GLI2: variants seen among roughly 807,000 people sequenced by gnomAD.
The protein encoded by GLI2 is GLI family zinc finger 2.
In GLI2, 22 loss-of-function variants were observed where a neutral mutation model predicts 78.9. The ratio of observed to expected loss-of-function variants is 0.28; its 90% CI spans 0.20 to 0.40. The LOEUF (loss-of-function observed/expected upper bound fraction) is 0.40. Among genes scored for constraint, GLI2 ranks in the 10% least tolerant of loss-of-function variants. The probability of loss-of-function intolerance (pLI) is 1.00; values close to 1 mark genes in which losing one functional copy is unlikely to be tolerated. For synonymous variants in GLI2, 974 were observed against 963.7 expected (o/e 1.01, Z -0.20); for missense variants, 2,097 against 2,213.2 (o/e 0.95, Z 1.05).
chr2:120,799,721 T>A (rs1002716066), intron 2 of GLI2, among the ~76,000 whole-genome samples: 2 of 152,154 alleles, frequency 1.3e-5, no homozygotes, highest in African/African-American at 2.4e-5. Flanking sequence ...CTTCGGGTCT[T>A]CCTTAAATGT....
intron 2 of GLI2, among the ~76,000 whole-genome samples, chr2:120,892,329 C>T (rs1411419276): frequency 6.6e-6 from 1 of 152,196 alleles, no homozygotes; most frequent in Non-Finnish European, 1.5e-5. Flanking sequence ...ACTACGTGGT[C>T]ATTCGGTGGT....
chr2:120,793,371 C>T (rs943371512), intron 1 of GLI2, among the ~76,000 whole-genome samples: 7 of 152,208 alleles, frequency 4.6e-5, no homozygotes, highest in African/African-American at 1.7e-4. Context: ...TTCTGGAGCT[C>T]TGTGGAGCCC....
intron 1 of GLI2, among the ~76,000 whole-genome samples, chr2:120,746,961 C>T (rs527928041): frequency 1.3e-5 from 2 of 152,086 alleles, no homozygotes; most frequent in South Asian, 2.1e-4. Flanking sequence ...ACATAATATC[C>T]CTTTGTCTGC....
intron 3 of GLI2, among the ~76,000 whole-genome samples, chr2:120,940,071 T>C (rs190539245): frequency 1.4e-4 from 22 of 152,370 alleles, no homozygotes; most frequent in Admixed American, 1.4e-3. Context: ...AATGTTTCCT[T>C]CTTGGGAAAT....
At chr2:120,787,483 C>T (rs951258920) in intron 1 of GLI2, among the ~76,000 whole-genome samples, 10 of 152,144 alleles carry the variant, frequency 6.6e-5, no homozygotes, top group African/African-American at 1.9e-4. Context: ...GCCTGTGGCT[C>T]CCGTGTGCCA....
chr2:120,856,492 A>G (rs1172821193), intron 2 of GLI2, among the ~76,000 whole-genome samples: 2 of 152,212 alleles, frequency 1.3e-5, no homozygotes, highest in East Asian at 3.9e-4. Context: ...TCTCACCATC[A>G]TGGGCCTCGT....
chr2:120,838,839 G>T (rs920577926), intron 2 of GLI2, among the ~76,000 whole-genome samples: 10 of 152,188 alleles, frequency 6.6e-5, no homozygotes, highest in Non-Finnish European at 4.4e-5. Flanking sequence ...GTAGGCCAGG[G>T]TCAATAGGTT....
At chr2:120,918,353 C>T (rs998850607) in intron 2 of GLI2, among the ~76,000 whole-genome samples, 1 of 152,030 alleles carries the variant, frequency 6.6e-6, no homozygotes, top group South Asian at 2.1e-4. Context: ...ACCATAGCAC[C>T]GGGACCCTTG....
Position 120,989,893 on chromosome 2 carries a change from C to A in GLI2, c.3928C>A (p.His1310Asn). The A allele has an allele frequency of 1.9e-6, 3 of 1,613,044 alleles. No homozygotes were observed. Among genetic ancestry groups the A allele is most frequent in the African/African-American group, 2.7e-5 (2 of 75,082 alleles). The change falls in exon 14 of 14, where the codon CAC becomes AAC. Residue 1310 changes from histidine (H) to asparagine (N), a missense_variant. Coordinates refer to ENST00000361492, the MANE Select transcript of GLI2 (RefSeq NM_001374353.1). Reference sequence around the variant, plus strand: ...CCAGAGCTACCCACAGCAGAGCCATCACCTGGCAGCCTCCATGAGCCAGGA... The same window carrying A: ...CCAGAGCTACCCACAGCAGAGCCATAACCTGGCAGCCTCCATGAGCCAGGA... ...PVQSYPQQSH[H>N]LAASMSQEGY...
chr2:120,955,423 C>T lies in GLI2; in HGVS notation c.636C>T (p.Pro212=), dbSNP rs755982802. 15 of 1,599,676 alleles carry T rather than the reference C, an allele frequency of 9.4e-6. No individual in the cohort carries two copies. The highest frequency in any genetic ancestry group is 4.5e-5 in the East Asian group (2 of 44,504). ...CCCATCTCCACGACTACCTCAACCCCGTGGACGGTGAGTGCTGGCCCCCAG... is the reference window on the plus strand; with the variant it reads ...CCCATCTCCACGACTACCTCAACCCTGTGGACGGTGAGTGCTGGCCCCCAG... ...SAPHLHDYLN[P]VDVSRFSSPR... is the part of the protein sequence containing the mutation. The change falls in exon 5 of 14, where the codon CCC becomes CCT. Residue 212 remains proline (P), a synonymous_variant. Transcript: ENST00000361492.
At chr2:120,919,222 C>T (rs1388188653) in intron 2 of GLI2, among the ~76,000 whole-genome samples, 1 of 152,234 alleles carries the variant, frequency 6.6e-6, no homozygotes, top group African/African-American at 2.4e-5. Context: ...ACTTAATATG[C>T]AAGGAATTCT....
In GLI2 at chr2:120,988,588, A is replaced by G; in HGVS notation, c.2623A>G (p.Lys875Glu). ...TPAQQYSLRA[K>E]YAAATGGPPP... ...GGCGCAGCAGTACAGCCTGCGGGCC[A>G]AGTACGCGGCAGCCACTGGCGGCCC... Residue 875 changes from lysine to glutamate, a missense_variant, in exon 14 of 14, where the codon AAG (lysine) becomes GAG (glutamate). By Grantham distance (56) the Lys-to-Glu change is moderately conservative. Transcript: ENST00000361492. The G allele has an allele frequency of 6.7e-7, 1 of 1,490,014 alleles. No homozygotes were observed. Among genetic ancestry groups the G allele is most frequent in the Non-Finnish European group, 8.9e-7 (1 of 1,126,156 alleles). 92.3% of individuals were successfully genotyped at this position (1,490,014 alleles called of 1,614,324 possible).
At chr2:120,955,143 T>A in intron 4 of GLI2, 102 bp from the exon 5 acceptor site, 2 of 761,862 alleles carry the variant, frequency 2.6e-6, no homozygotes, top group Non-Finnish European at 4.5e-6. Context: ...AGGTGTGCAT[T>A]TCTCTCTGCC....
intron 3 of GLI2, among the ~76,000 whole-genome samples, chr2:120,931,254 C>T (rs1252239595): frequency 1.3e-5 from 2 of 152,226 alleles, no homozygotes; most frequent in African/African-American, 4.8e-5. Flanking sequence ...TGGAGGTTGC[C>T]TGCATTCCTT....
At chr2:120,786,084 C>A (rs1013588783) in intron 1 of GLI2, among the ~76,000 whole-genome samples, 2 of 152,202 alleles carry the variant, frequency 1.3e-5, no homozygotes, top group Admixed American at 1.3e-4. Flanking sequence ...GGCAGCCTCA[C>A]AATCCCAGGA....
rs564997265 is a variant in GLI2 at position 120,967,164 on chromosome 2, C to G, written c.644-1550C>G. Among the ~76,000 whole-genome samples the G allele has an allele frequency of 1.3e-3, 197 of 152,282 alleles. 2 individuals carry two copies. Among genetic ancestry groups the G allele is most frequent in the Non-Finnish European group, 2.1e-3 (140 of 68,018 alleles). On this transcript the variant is annotated intron_variant, in intron 5 of 13. Coordinates refer to ENST00000361492, the MANE Select transcript of GLI2 (RefSeq NM_001374353.1). Reference sequence around the variant, plus strand: ...CAACACCACCAGCCCATGGGGAACCCGGAGGCCTGGAAAGGATGGGTGGGC... The same window carrying G: ...CAACACCACCAGCCCATGGGGAACCGGGAGGCCTGGAAAGGATGGGTGGGC...
intron 1 of GLI2, among the ~76,000 whole-genome samples, chr2:120,796,366 G>A (rs142505485): frequency 1.6e-3 from 251 of 152,234 alleles, no homozygotes; most frequent in African/African-American, 4.7e-3. Flanking sequence ...TCCTCTCCCC[G>A]AAAAGCCTGC....
At chr2:120,746,622 C>A (rs952921060) in intron 1 of GLI2, among the ~76,000 whole-genome samples, 1 of 152,112 alleles carries the variant, frequency 6.6e-6, no homozygotes, top group African/African-American at 2.4e-5. Context: ...AAGGTCTGGA[C>A]TCTGGTTTAG....
rs1021009401 is a variant in GLI2, at chr2:120,879,749, A to G, written c.149-47612A>G. Reference sequence around the variant, plus strand: ...ATTACTACTTAGGAGTTTGTGGACGAAAAGCAGTAGATTCCAATTGAGTGT... The same window carrying G: ...ATTACTACTTAGGAGTTTGTGGACGGAAAGCAGTAGATTCCAATTGAGTGT... On this transcript the variant is annotated intron_variant, in intron 2 of 13. Coordinates refer to ENST00000361492, the MANE Select transcript of GLI2 (RefSeq NM_001374353.1). 3.9e-5 allele frequency among the ~76,000 whole-genome samples: 6 copies of G among 152,316 alleles called. No homozygotes were observed. The South Asian group carries it at 8.3e-4, about 21-fold the overall frequency.
Sources: allele counts gnomAD v4.1 joint callset (sites outside exome capture counted in the v4.1 genomes callset), GRCh38; gene constraint gnomAD v4.1.1; transcripts MANE v1.5; gene names NCBI Gene and HGNC (gene_info 2026-07-23, HGNC 2026-07-21).